STAU1: variants seen among roughly 807,000 people sequenced by gnomAD.
STAU1 encodes the protein double-stranded RNA-binding protein Staufen homolog 1.
Under a neutral mutation model 62.9 loss-of-function variants are expected in STAU1, and 13 were observed. The observed-to-expected ratio is 0.21, with a 90% confidence interval of 0.13 to 0.33. The LOEUF (loss-of-function observed/expected upper bound fraction) is 0.33, where lower values mean the gene tolerates loss of function less well. Ranked by LOEUF, STAU1 falls within the 10% of genes least tolerant of loss-of-function variation. The pLI is 1.00. For synonymous variants in STAU1, 269 were observed against 265.1 expected, an observed-to-expected ratio of 1.01 and a Z score of -0.14; for missense variants, 571 against 712.1, an observed-to-expected ratio of 0.80 and a Z score of 2.25.
chr20:49,131,868 A>G (rs1467907527), intron 6 of STAU1, among the ~76,000 whole-genome samples: 2 of 151,706 alleles, frequency 1.3e-5, no homozygotes, highest in Non-Finnish European at 2.9e-5. Flanking sequence ...AAAAGGAAGG[A>G]AGGAGCAAGC....
the STAU1 span, among the ~76,000 whole-genome samples, chr20:49,199,531 G>A: frequency 6.6e-6 from 1 of 151,218 alleles, no homozygotes; most frequent in Non-Finnish European, 1.5e-5. Context: ...GCCCGGCCAT[G>A]TTTATTTTAT....
intron 3 of STAU1, among the ~76,000 whole-genome samples, chr20:49,159,808 G>A (rs1353266004): frequency 2.0e-5 from 3 of 152,082 alleles, no homozygotes; most frequent in Admixed American, 6.6e-5. Context: ...GTGATCTGTC[G>A]GCCTTGGCCT....
At chr20:49,144,257 CA>C (rs1248614139) in intron 5 of STAU1, among the ~76,000 whole-genome samples, 3 of 151,206 alleles carry the variant, frequency 2.0e-5, no homozygotes, top group Non-Finnish European at 4.4e-5. Context: ...GGCGGCCAAA[CA>C]TAAAAGATAA....
intron 8 of STAU1, among the ~76,000 whole-genome samples, chr20:49,122,631 C>G (rs1009422950): frequency 2.0e-5 from 3 of 152,170 alleles, no homozygotes; most frequent in African/African-American, 7.2e-5. Flanking sequence ...ATAAGGATCA[C>G]AGTTGGCTGG....
At chr20:49,126,283 T>G (rs1166086945) in intron 6 of STAU1, among the ~76,000 whole-genome samples, 4 of 151,726 alleles carry the variant, frequency 2.6e-5, no homozygotes, top group African/African-American at 9.7e-5. Context: ...AAAATCAGGC[T>G]GGGCAGGGTG....
chr20:49,123,405 TTA>T (rs2092515146), intron 7 of STAU1, among the ~76,000 whole-genome samples, 170 bp from the exon 8 acceptor site: 1 of 152,228 alleles, frequency 6.6e-6, no homozygotes, highest in African/African-American at 2.4e-5. Flanking sequence ...TTTATTTTTT[TTA>T]TGATTGTTCT....
chr20:49,136,259 C>A lies in STAU1; in HGVS notation c.511-328G>T, dbSNP rs367548284. On this transcript the variant is annotated intron_variant, in intron 5 of 13. Coordinates refer to ENST00000371856, the MANE Select transcript of STAU1 (RefSeq NM_017453.4). ...GAGGCTGCAGTAAGCCATGATCATG[C>A]GCCACTGCACTCCAGCCTGGGTGAC... Among the ~76,000 whole-genome samples, 13 of 152,280 alleles carry A rather than the reference C, an allele frequency of 8.5e-5. No individual in the cohort carries two copies. In the East Asian group the frequency reaches 2.1e-3, roughly 25 times the overall value.
intron 6 of STAU1, among the ~76,000 whole-genome samples, chr20:49,135,303 C>T (rs1246455124): frequency 6.6e-6 from 1 of 152,186 alleles, no homozygotes; most frequent in African/African-American, 2.4e-5. Context: ...TCTTTTAAGG[C>T]AACATATATT....
chr20:49,155,846 G>T (rs1377788248), intron 3 of STAU1, among the ~76,000 whole-genome samples: 3 of 152,206 alleles, frequency 2.0e-5, no homozygotes, highest in African/African-American at 7.2e-5. Context: ...ATACTGCAAA[G>T]AAATCAAAAG....
At chr20:49,115,332 G>C (rs898084603) in intron 13 of STAU1, among the ~76,000 whole-genome samples, 9 of 151,902 alleles carry the variant, frequency 5.9e-5, no homozygotes, top group Admixed American at 5.9e-4. Context: ...ACGGAGTCTT[G>C]CTCTGTCGCC....
the STAU1 span, among the ~76,000 whole-genome samples, chr20:49,215,211 A>T: frequency 1.3e-5 from 2 of 152,056 alleles, no homozygotes; most frequent in African/African-American, 4.8e-5. Flanking sequence ...AGAAATCTTC[A>T]TCTGAGCCTC....
At chr20:49,200,678 G>T in the STAU1 span, among the ~76,000 whole-genome samples, 10 of 151,840 alleles carry the variant, frequency 6.6e-5, no homozygotes, top group African/African-American at 2.4e-4. Flanking sequence ...CTCTCTAGGT[G>T]GAAAAAACTT....
intron 3 of STAU1, among the ~76,000 whole-genome samples, chr20:49,154,629 G>A (rs1205997294): frequency 6.6e-6 from 1 of 152,224 alleles, no homozygotes; most frequent in East Asian, 1.9e-4. Context: ...ACTTTGGGAG[G>A]CCAAGGCAGG....
the STAU1 span, among the ~76,000 whole-genome samples, chr20:49,195,898 C>CAAAAAAAAAAAAAAAAAAAAA: frequency 2.1e-4 from 7 of 33,866 alleles, no homozygotes; most frequent in South Asian, 2.4e-3. Context: ...AACTTCCTCT[C>CAAAAAAAAAAAAAAAAAAAAA]AAAAAAAAAA....
the STAU1 span, among the ~76,000 whole-genome samples, chr20:49,199,871 G>A: frequency 6.6e-6 from 1 of 151,944 alleles, no homozygotes; most frequent in African/African-American, 2.4e-5. Context: ...ACTGCACCCG[G>A]CCATATTTTT....
the STAU1 span, among the ~76,000 whole-genome samples, chr20:49,214,542 A>G: frequency 6.6e-6 from 1 of 151,670 alleles, no homozygotes; most frequent in Non-Finnish European, 1.5e-5. Context: ...AACAATAACA[A>G]GAAGAAGATT....
intron 12 of STAU1, 38 bp from the exon 13 acceptor site, chr20:49,115,905 C>T (rs375727210): frequency 7.6e-6 from 12 of 1,577,152 alleles, no homozygotes; most frequent in Admixed American, 6.7e-5. Context: ...CCACAGCCAC[C>T]GCTTGGGACC....
chr20:49,150,366 A>AT (rs11475781), intron 5 of STAU1, among the ~76,000 whole-genome samples: 429 of 145,048 alleles, frequency 3.0e-3, no homozygotes, highest in African/African-American at 3.0e-3. Flanking sequence ...TTTTACCTCC[A>AT]TTTTTTTTTT....
chr20:49,208,083 C>A, the STAU1 span, among the ~76,000 whole-genome samples: 9 of 151,534 alleles, frequency 5.9e-5, no homozygotes, highest in African/African-American at 2.2e-4. Context: ...TGTTTTGAGA[C>A]GGAGTCTCAC....
Sources: allele counts gnomAD v4.1 joint callset (sites outside exome capture counted in the v4.1 genomes callset), GRCh38; gene constraint gnomAD v4.1.1; transcripts MANE v1.5; gene names NCBI Gene and HGNC (gene_info 2026-07-23, HGNC 2026-07-21).